Variants in NSUN3 observed in about 807,000 individuals in gnomAD.
NSUN3 encodes NOP2/Sun RNA methyltransferase 3.
In NSUN3, 24 loss-of-function variants were observed where a neutral mutation model predicts 36.8. The observed-to-expected ratio is 0.65, with a 90% CI of 0.47 to 0.92. The LOEUF (loss-of-function observed/expected upper bound fraction) is 0.92, where lower values mean the gene tolerates loss of function less well. Among genes scored for constraint, NSUN3 ranks in the 40% least tolerant of loss-of-function variants. NSUN3 has a pLI of 0.00. For missense variants in NSUN3, 381 were observed against 392.8 expected (o/e 0.97, Z 0.25); for synonymous variants, 146 against 145.2 (o/e 1.01, Z -0.04).
intron 5 of NSUN3, among the ~76,000 whole-genome samples, chr3:94,098,215 A>G (rs2077351283): frequency 6.6e-6 from 1 of 152,152 alleles, no homozygotes; most frequent in South Asian, 2.1e-4. Context: ...TCAATCACTA[A>G]GACGTCTCAG....
At chr3:94,102,726 G>C (rs968029946) in intron 5 of NSUN3, among the ~76,000 whole-genome samples, 3 of 152,014 alleles carry the variant, frequency 2.0e-5, no homozygotes, top group Admixed American at 6.6e-5. Context: ...AATGATAAAA[G>C]ATTGAGGAGC....
At chr3:94,079,580 G>T (rs2077260024) in intron 2 of NSUN3, among the ~76,000 whole-genome samples, 1 of 151,882 alleles carries the variant, frequency 6.6e-6, no homozygotes, top group African/African-American at 2.4e-5. Context: ...ATGTAGATTT[G>T]GTCTTTTCAC....
chr3:94,064,092 C>A, intron 1 of NSUN3: 1 of 192,414 alleles, frequency 5.2e-6, no homozygotes, highest in Non-Finnish European at 1.1e-5. Flanking sequence ...TGTGATCCTC[C>A]CGCCTCTGCC....
chr3:94,077,007 T>C (rs1560030653), intron 2 of NSUN3: 6 of 886,514 alleles, frequency 6.8e-6, no homozygotes, highest in Non-Finnish European at 1.2e-5. Context: ...CTTTCCCTTC[T>C]GGTCTGGTTA....
rs2077496163 is a variant in NSUN3 at position 94,128,355 on chromosome 3, T to C, written c.*1865T>C. The C allele has an allele frequency of 6.6e-6, 1 of 152,032 alleles. No homozygotes were observed. Among genetic ancestry groups the C allele is most frequent in the Non-Finnish European group, 1.5e-5 (1 of 67,982 alleles). The allele number at this position is 152,032 out of a possible 1,614,324, so 9.4% of individuals were successfully genotyped here. A position where few individuals can be genotyped will look rare whatever the true frequency, so the allele number is the denominator to read the frequency against. On this transcript the variant is annotated 3_prime_UTR_variant, in exon 6 of 6. Coordinates refer to ENST00000314622, the MANE Select transcript of NSUN3 (RefSeq NM_022072.5). ...GATGTTTTCTTTTTTAAGTTATCATTATTAGTTTGTTTTTTTTATCTTCAG... is the reference window on the plus strand; with the variant it reads ...GATGTTTTCTTTTTTAAGTTATCATCATTAGTTTGTTTTTTTTATCTTCAG...
At chr3:94,106,885 A>G (rs558861497) in intron 5 of NSUN3, among the ~76,000 whole-genome samples, 3 of 152,242 alleles carry the variant, frequency 2.0e-5, no homozygotes, top group Non-Finnish European at 2.9e-5. Flanking sequence ...AAATGAAGAA[A>G]AAATTCCCAA....
At chr3:94,103,733 A>G (rs1344148697) in intron 5 of NSUN3, among the ~76,000 whole-genome samples, 1 of 152,204 alleles carries the variant, frequency 6.6e-6, no homozygotes, top group African/African-American at 2.4e-5. Flanking sequence ...AGTTAGGAAT[A>G]TCTAAAACTC....
chr3:94,070,690 C>G (rs2077221959), intron 2 of NSUN3, among the ~76,000 whole-genome samples: 1 of 152,138 alleles, frequency 6.6e-6, no homozygotes, highest in Non-Finnish European at 1.5e-5. Flanking sequence ...TCCCTTCACC[C>G]TTTTCACAAA....
chr3:94,086,762 G>T lies in NSUN3; in HGVS notation c.466+2312G>T, dbSNP rs147159561. On this transcript the variant is annotated intron_variant, in intron 3 of 5. Coordinates refer to ENST00000314622, the MANE Select transcript of NSUN3 (RefSeq NM_022072.5). Reference sequence around the variant, plus strand: ...AAATGTTATTTTACAAGTTTACCTCGTTATTTTTATAATTTGAGCTGAAGT... The same window carrying T: ...AAATGTTATTTTACAAGTTTACCTCTTTATTTTTATAATTTGAGCTGAAGT... Among the ~76,000 whole-genome samples, 477 of 152,188 alleles carry T rather than the reference G, an allele frequency of 3.1e-3. 3 individuals are homozygous for T. Among genetic ancestry groups the T allele is most frequent in the African/African-American group, 0.011 (445 of 41,516 alleles).
intron 5 of NSUN3, among the ~76,000 whole-genome samples, chr3:94,124,513 T>G (rs1272006799): frequency 6.6e-6 from 1 of 152,194 alleles, no homozygotes; most frequent in Non-Finnish European, 1.5e-5. Flanking sequence ...TCCTTCTTCA[T>G]GGCTGGTAGA....
intron 5 of NSUN3, among the ~76,000 whole-genome samples, chr3:94,124,397 G>A (rs929234563): frequency 6.6e-6 from 1 of 151,964 alleles, no homozygotes; most frequent in Non-Finnish European, 1.5e-5. Flanking sequence ...AAAGTGCTAG[G>A]ATTACAGGCG....
chr3:94,068,602 T>C (rs1266697883), intron 2 of NSUN3, among the ~76,000 whole-genome samples: 2 of 152,244 alleles, frequency 1.3e-5, no homozygotes, highest in South Asian at 2.1e-4. Context: ...TAATGGATAC[T>C]TAATAAATGT....
chr3:94,126,431 G>C lies in NSUN3; in HGVS notation c.964G>C (p.Ala322Pro), dbSNP rs761668973. 2.5e-6 allele frequency: 4 copies of C among 1,614,084 alleles called. No homozygotes were observed. Among genetic ancestry groups the C allele is most frequent in the Non-Finnish European group, 3.4e-6 (4 of 1,179,948 alleles). ...CTTAGTGATTCCAGATAAGGGCAAA[G>C]CCTGGGGCCCAATGTATGTAGCCAA... ...GLLVIPDKGK[A>P]WGPMYVAKLK... The change falls in exon 6 of 6, where the codon GCC becomes CCC. Residue 322 changes from alanine to proline, a missense_variant. Ala to Pro is a conservative substitution (Grantham distance 27, BLOSUM62 -1). Transcript: ENST00000314622.
intron 5 of NSUN3, among the ~76,000 whole-genome samples, chr3:94,096,880 T>C (rs528418344): frequency 2.4e-4 from 37 of 152,348 alleles, no homozygotes; most frequent in African/African-American, 8.7e-4. Flanking sequence ...AATCTTGTGA[T>C]GGCTTATTAA....
At chr3:94,110,046 T>C (rs1313015721) in intron 5 of NSUN3, among the ~76,000 whole-genome samples, 1 of 152,190 alleles carries the variant, frequency 6.6e-6, no homozygotes, top group Non-Finnish European at 1.5e-5. Context: ...AGTTTATTCA[T>C]AGTGTGTGTC....
At chr3:94,095,300 C>A (rs1382741496) in intron 5 of NSUN3, 146 bp downstream of exon 5, 2 of 721,488 alleles carry the variant, frequency 2.8e-6, no homozygotes, top group Non-Finnish European at 4.5e-6. Flanking sequence ...AAATTCCCAA[C>A]TTCTTCCCCT....
At chr3:94,087,099 A>G (rs1002676413) in intron 3 of NSUN3, among the ~76,000 whole-genome samples, 3 of 152,218 alleles carry the variant, frequency 2.0e-5, no homozygotes, top group Non-Finnish European at 2.9e-5. Flanking sequence ...TCCTGTTCTT[A>G]TATCAAGGGC....
At chr3:94,124,555 G>A (rs188571724) in intron 5 of NSUN3, among the ~76,000 whole-genome samples, 1 of 151,938 alleles carries the variant, frequency 6.6e-6, no homozygotes, top group East Asian at 1.9e-4. Flanking sequence ...TTCTTTATAT[G>A]GTCCTCCCCT....
chr3:94,116,951 G>A (rs116591942), intron 5 of NSUN3, among the ~76,000 whole-genome samples: 2,030 of 145,078 alleles, frequency 0.014, 45 homozygotes, highest in African/African-American at 0.048. Context: ...CATGAGTTTA[G>A]GTCAGATTTT....
Sources: gnomAD v4.1 joint callset for allele counts (sites outside exome capture counted in the v4.1 genomes callset) on GRCh38, gnomAD v4.1.1 for gene constraint, MANE v1.5 for transcripts, NCBI Gene and HGNC (gene_info 2026-07-23, HGNC 2026-07-21) for gene names.